The following KANK1 variants were observed in gnomAD, a reference collection of about 807,000 sequenced individuals.
KANK1 encodes KN motif and ankyrin repeat domains 1, also known as KN motif and ankyrin repeat domain-containing protein 1.
In KANK1, 109 loss-of-function variants were observed where a neutral mutation model predicts 106.2. That is an observed-to-expected ratio of 1.03 (90% confidence interval 0.88 to 1.20). The LOEUF (loss-of-function observed/expected upper bound fraction) is 1.20, where lower values mean the gene tolerates loss of function less well. KANK1 is among the 50% of genes most tolerant of loss of function. KANK1 has a pLI of 0.00. For missense variants in KANK1, 2,399 were observed against 1,710.7 expected (o/e 1.40, Z -7.10); for synonymous variants, 873 against 652.2 (o/e 1.34, Z -5.16).
At chr9:617,461 G>C (rs1832117650) in intron 1 of KANK1, among the ~76,000 whole-genome samples, 1 of 152,136 alleles carries the variant, frequency 6.6e-6, no homozygotes. Context: ...TTTAGTCTAA[G>C]AAGTAGTTAC....
chr9:650,309 T>A (rs1261004869), intron 1 of KANK1, among the ~76,000 whole-genome samples: 1 of 152,182 alleles, frequency 6.6e-6, no homozygotes, highest in Non-Finnish European at 1.5e-5. Context: ...AAAGTGAAAG[T>A]AAAAGATCAG....
At chr9:637,477 A>C (rs576356289) in intron 1 of KANK1, among the ~76,000 whole-genome samples, 2 of 152,324 alleles carry the variant, frequency 1.3e-5, no homozygotes, top group East Asian at 3.9e-4. Context: ...TTTAGCATGC[A>C]TCACAATCAC....
intron 1 of KANK1, among the ~76,000 whole-genome samples, chr9:624,918 G>T (rs2136524726): frequency 6.6e-6 from 1 of 152,362 alleles, no homozygotes; most frequent in East Asian, 1.9e-4. Context: ...ACAGGCTTCA[G>T]TTTAAAAGCT....
chr9:482,557 A>G lies in KANK1; in HGVS notation c.-362+9284A>G, dbSNP rs536892625. 5.9e-5 allele frequency among the ~76,000 whole-genome samples: 9 copies of G among 152,304 alleles called. No individual in the cohort carries two copies. The South Asian group carries it at 1.0e-3, about 18-fold the overall frequency. On this transcript the variant is annotated intron_variant, in intron 3 of 15. Transcript: ENST00000382303. ...GCTCAGGGGTTAAATAACACATGCA[A>G]AGTCATACAACTAACGGGCATGGAT...
chr9:598,703 TCACTGCAACCTCCTCC>T (rs1409795152), intron 1 of KANK1, among the ~76,000 whole-genome samples: 32 of 122,700 alleles, frequency 2.6e-4, no homozygotes, highest in Middle Eastern at 7.9e-3. Context: ...CGACCTCGGC[TCACTGCAACCTCCTCC>T]TCCTGGGTTC....
chr9:613,615 T>G (rs1440827671), intron 1 of KANK1, among the ~76,000 whole-genome samples: 2 of 152,166 alleles, frequency 1.3e-5, no homozygotes, highest in Non-Finnish European at 2.9e-5. Context: ...TGTATTCATT[T>G]TTGAAATTTT....
intron 1 of KANK1, among the ~76,000 whole-genome samples, chr9:649,318 T>C (rs1840376704): frequency 6.6e-6 from 1 of 152,116 alleles, no homozygotes; most frequent in African/African-American, 2.4e-5. Flanking sequence ...CTACATCCCA[T>C]CTACTTAACA....
chr9:693,734 T>C, intron 2 of KANK1: 1 of 985,404 alleles, frequency 1.0e-6, no homozygotes, highest in Non-Finnish European at 1.2e-6. Context: ...GAAGTTTGCC[T>C]GAGACCTGGC....
chr9:524,401 AG>A (rs1234723777), intron 1 of KANK1, among the ~76,000 whole-genome samples: 1 of 151,820 alleles, frequency 6.6e-6, no homozygotes, highest in African/African-American at 2.4e-5. Context: ...CAATCTTCAA[AG>A]GAAGAGAATT....
chr9:692,598 A>G (rs1266238481), intron 2 of KANK1, among the ~76,000 whole-genome samples: 2 of 150,862 alleles, frequency 1.3e-5, no homozygotes, highest in Non-Finnish European at 2.9e-5. Flanking sequence ...AAGTTTTAGT[A>G]TATGTGGACA....
upstream of KANK1, among the ~76,000 whole-genome samples, chr9:503,224 A>G (rs1030377088): frequency 2.3e-4 from 35 of 151,942 alleles, no homozygotes; most frequent in African/African-American, 7.7e-4. Context: ...TTTTCATAGA[A>G]GAGTAGACAT....
chr9:607,615 C>T (rs1829551595), intron 1 of KANK1, among the ~76,000 whole-genome samples: 1 of 151,498 alleles, frequency 6.6e-6, no homozygotes, highest in African/African-American at 2.4e-5. Context: ...ACTAGCTGCA[C>T]ATACCTGCAC....
At chr9:551,114 A>G (rs1360957635) in intron 1 of KANK1, among the ~76,000 whole-genome samples, 1 of 151,992 alleles carries the variant, frequency 6.6e-6, no homozygotes, top group Non-Finnish European at 1.5e-5. Flanking sequence ...CATGGTTAAT[A>G]CAACATGTGT....
intron 1 of KANK1, among the ~76,000 whole-genome samples, chr9:590,919 G>A (rs1316264342): frequency 2.0e-5 from 3 of 151,752 alleles, no homozygotes; most frequent in Non-Finnish European, 4.4e-5. Flanking sequence ...CACATTGCCT[G>A]GAAGACTGAA....
intron 1 of KANK1, among the ~76,000 whole-genome samples, chr9:600,040 G>C (rs2135817550): frequency 6.6e-6 from 1 of 151,718 alleles, no homozygotes; most frequent in Non-Finnish European, 1.5e-5. Context: ...TTTTTTTAAA[G>C]TTTTGTGTTA....
rs549304961 is a variant in KANK1, at chr9:626,864, G to T, written c.-83-50026G>T. On this transcript the variant is annotated intron_variant, in intron 1 of 11. Transcript: ENST00000382297. ...AGCAGATTGAAGTTAGACTCCAGAA[G>T]ACAGCTTTACAGTGTGTTAAACCAG... Among the ~76,000 whole-genome samples, 3 of 152,318 alleles carry T rather than the reference G, an allele frequency of 2.0e-5. No individual in the cohort carries two copies. The East Asian group carries it at 5.8e-4, about 29-fold the overall frequency.
At chr9:566,914 G>A (rs985796046) in intron 1 of KANK1, among the ~76,000 whole-genome samples, 6 of 152,238 alleles carry the variant, frequency 3.9e-5, no homozygotes, top group East Asian at 3.9e-4. Flanking sequence ...TTCTCGTCAC[G>A]AAATCTTTGC....
chr9:599,826 G>C (rs540346155), intron 1 of KANK1, among the ~76,000 whole-genome samples: 1 of 151,798 alleles, frequency 6.6e-6, no homozygotes, highest in East Asian at 1.9e-4. Context: ...GGTATTTGCA[G>C]GCAGTCATGG....
chr9:745,342 A>G lies in KANK1; in HGVS notation c.*107A>G, dbSNP rs1435204616. On this transcript the variant is annotated 3_prime_UTR_variant, in exon 12 of 12. Coordinates refer to ENST00000382297, the MANE Select transcript of KANK1 (RefSeq NM_015158.5). The stretch of plus-strand genomic sequence containing the variant: ...ACGTATTGTGCCTGAGCTCACCAGC[A>G]AACAGAAGCATCAAGCCCAGGGGTA... 2.8e-6 allele frequency: 4 copies of G among 1,411,538 alleles called. No individual in the cohort carries two copies. In the Admixed American group the frequency reaches 6.9e-5, roughly 24 times the overall value. The allele number at this position is 1,411,538 out of a possible 1,614,324, so 87.4% of individuals were successfully genotyped here.
Sources: gnomAD v4.1 joint callset for allele counts (sites outside exome capture counted in the v4.1 genomes callset) on GRCh38, gnomAD v4.1.1 for gene constraint, MANE v1.5 for transcripts, NCBI Gene and HGNC (gene_info 2026-07-23, HGNC 2026-07-21) for gene names.